The following DHRS7 variants were observed in gnomAD, a reference collection of about 807,000 sequenced individuals.
DHRS7 encodes the protein dehydrogenase/reductase SDR family member 7.
In DHRS7, 34 loss-of-function variants were observed where a neutral mutation model predicts 38.9. The observed-to-expected ratio is 0.87, with a 90% CI of 0.66 to 1.16. DHRS7 has a LOEUF of 1.16. DHRS7 is among the 50% of genes most tolerant of loss of function. The pLI is 0.00. For synonymous variants in DHRS7, 158 were observed against 153.1 expected (o/e 1.03, Z -0.24); for missense variants, 421 against 407.0 (o/e 1.03, Z -0.30).
chr14:60,157,457 C>T (rs1896681334), intron 1 of DHRS7, among the ~76,000 whole-genome samples: 3 of 152,170 alleles, frequency 2.0e-5, no homozygotes, highest in Admixed American at 2.0e-4. Flanking sequence ...CACTTAATAA[C>T]GTATGTCTCC....
intron 4 of DHRS7, among the ~76,000 whole-genome samples, chr14:60,152,301 C>T (rs767818848): frequency 2.1e-4 from 32 of 152,244 alleles, no homozygotes; most frequent in Non-Finnish European, 4.3e-4. Context: ...ATTTATACAT[C>T]GTAAGTTATG....
At chr14:60,165,491 C>G (rs1397551279), upstream of DHRS7, 2 of 1,327,416 alleles carry the variant, frequency 1.5e-6, no homozygotes, top group Non-Finnish European at 1.9e-6. This position sits in a 1 kb window ranked among gnomAD's most constrained non-coding sequence, Gnocchi z 4.6. Context: ...ACTCGCGGCC[C>G]CACTCGCGGT....
Position 60,146,711 on chromosome 14 carries a change from ATTCCACAATGGAATATTT to A in DHRS7, c.973-1716_973-1699del. ...TGTGTATATATATATATGGAATATT[ATTCCACAATGGAATATTT>A]TTCAGCCATAAAACAATGGAACTCC... On this transcript the variant is annotated intron_variant, in intron 6 of 6. Transcript: ENST00000557185. The surrounding 1 kb of genome is among the most constrained non-coding windows in gnomAD (Gnocchi z 4.9). 2 of 152,062 alleles carry A rather than the reference ATTCCACAATGGAATATTT, an allele frequency of 1.3e-5. No individual in the cohort carries two copies. The allele number at this position is 152,062 out of a possible 1,614,324, so 9.4% of individuals were successfully genotyped here.
rs759889970 is a variant in DHRS7 at position 60,149,521 on chromosome 14, A to G, written c.804T>C (p.Arg268=). Residue 268 remains arginine, a synonymous_variant, in exon 6 of 7, where the codon CGT becomes CGC. Coordinates refer to ENST00000557185, the MANE Select transcript of DHRS7 (RefSeq NM_016029.4). ...GDQSHKMTTS[R]CVRLMLISMA... is the part of the protein sequence containing the mutation. ...TGCTGATTAACATCAGCCGCACACA[A>G]CGACTGGTTGTCATCTTGTGGGACT... The G allele has an allele frequency of 5.0e-6, 8 of 1,613,912 alleles. No homozygotes were observed. Among genetic ancestry groups the G allele is most frequent in the Non-Finnish European group, 6.8e-6 (8 of 1,179,948 alleles).
In DHRS7 at chr14:60,153,843, G is replaced by C; in HGVS notation, c.393+116C>G. The stretch of plus-strand genomic sequence containing the variant: ...ATTAAGGGGCCCAACTCATGGGCCC[G>C]ATCTCACTGCATGGACCCCACTTGC... On this transcript the variant is annotated intron_variant, in intron 3 of 6. Transcript: ENST00000557185. This position sits in a 1 kb window ranked among gnomAD's most constrained non-coding sequence, Gnocchi z 4.4. The C allele has an allele frequency of 1.3e-6, 1 of 795,914 alleles. No homozygotes were observed. The highest frequency in any genetic ancestry group is 2.1e-6 in the Non-Finnish European group (1 of 474,638). 49.3% of individuals were successfully genotyped at this position (795,914 alleles called of 1,614,324 possible).
Position 60,144,695 on chromosome 14 carries a change from A to G in DHRS7, c.*271T>C. On this transcript the variant is annotated 3_prime_UTR_variant, in exon 7 of 7. Transcript: ENST00000557185. ...TAGCAGCACAAATGGACTAAGACAA[A>G]TCTGTTAACTTAGATTTTAAGCATA... 3.0e-6 allele frequency: 1 copy of G among 333,378 alleles called. No homozygotes were observed. The highest frequency in any genetic ancestry group is 5.4e-6 in the Non-Finnish European group (1 of 185,516). 20.7% of individuals were successfully genotyped at this position (333,378 alleles called of 1,614,324 possible). A position where few individuals can be genotyped will look rare whatever the true frequency, so the allele number is the denominator to read the frequency against.
At position 60,150,318 on chromosome 14, in the gene DHRS7, CT is replaced by C. The variant is rs558750959; in HGVS notation, c.634-132del. ...TGTAATCATGCAAGCTTATTAGGCA[CT>C]TTTTTTTATTATTATATTTTAAGTT... is the stretch of plus-strand genomic sequence containing the variant. On this transcript the variant is annotated intron_variant, in intron 4 of 6. Transcript: ENST00000557185. The C allele has an allele frequency of 2.5e-3, 1,941 of 787,962 alleles. 2 individuals are homozygous for C. Among genetic ancestry groups the C allele is most frequent in the Non-Finnish European group, 2.6e-3 (1,422 of 547,548 alleles). The allele number at this position is 787,962 out of a possible 1,614,324, so 48.8% of individuals were successfully genotyped here. A position where few individuals can be genotyped will look rare whatever the true frequency, so the allele number is the denominator to read the frequency against.
intron 1 of DHRS7, among the ~76,000 whole-genome samples, chr14:60,164,762 G>C (rs1261531170): frequency 6.6e-6 from 1 of 152,180 alleles, no homozygotes; most frequent in Non-Finnish European, 1.5e-5. Flanking sequence ...CGGGCTTCCG[G>C]TACTTACAAA....
At chr14:60,166,240 T>G, upstream of DHRS7, 1 of 985,486 alleles carries the variant, frequency 1.0e-6, no homozygotes, top group Non-Finnish European at 1.2e-6. Flanking sequence ...CTTTCTTGTT[T>G]TCAAGCATTT....
In DHRS7 at chr14:60,162,169, A is replaced by T. The variant is rs546173273; in HGVS notation, c.133+3008T>A. 1.1e-3 allele frequency among the ~76,000 whole-genome samples: 160 copies of T among 152,286 alleles called. 2 individuals carry two copies. Among genetic ancestry groups the T allele is most frequent in the Non-Finnish European group, 1.8e-3 (122 of 68,010 alleles). On this transcript the variant is annotated intron_variant, in intron 1 of 6. Transcript: ENST00000557185. The surrounding 1 kb of genome is among the most constrained non-coding windows in gnomAD (Gnocchi z 4.5). ...GGTGGAAGGATCACTTGAGGCCAGGAGTTCAAGACCAGCCTGGAACATAGT... is the reference window on the plus strand; with the variant it reads ...GGTGGAAGGATCACTTGAGGCCAGGTGTTCAAGACCAGCCTGGAACATAGT...
Position 60,156,150 on chromosome 14 carries a change from A to T in DHRS7, c.136T>A (p.Trp46Arg). Residue 46 changes from tryptophan to arginine, a missense_variant and splice_region_variant, in exon 2 of 7, where the codon TGG (tryptophan) becomes AGG (arginine). Transcript: ENST00000557185. ...CACACCACCATATCAGTCAGCTCCC[A>T]TTCTATGGAAGGAATGTAAATGGAA... ...WAEWQGRRPE[W>R]ELTDMVVWVT... The T allele has an allele frequency of 6.4e-7, 1 of 1,570,026 alleles. No individual in the cohort carries two copies. The highest frequency in any genetic ancestry group is 8.6e-7 in the Non-Finnish European group (1 of 1,160,458).
At chr14:60,160,076 A>G (rs1032983786) in intron 1 of DHRS7, among the ~76,000 whole-genome samples, 2 of 152,228 alleles carry the variant, frequency 1.3e-5, no homozygotes, top group African/African-American at 4.8e-5. Flanking sequence ...CTGTAATCCC[A>G]GCACTTTGGG....
In DHRS7 at chr14:60,162,193, G is replaced by A. The variant is rs1217940881; in HGVS notation, c.133+2984C>T. On this transcript the variant is annotated intron_variant, in intron 1 of 6. Transcript: ENST00000557185. The surrounding 1 kb of genome is among the most constrained non-coding windows in gnomAD (Gnocchi z 4.5). The stretch of plus-strand genomic sequence containing the variant: ...GAGTTCAAGACCAGCCTGGAACATA[G>A]TGAGAGCCTGTTTCTACAAAAAGTT... Among the ~76,000 whole-genome samples, 1 of 152,128 alleles carries A rather than the reference G, an allele frequency of 6.6e-6. No individual in the cohort carries two copies. The highest frequency in any genetic ancestry group is 1.5e-5 in the Non-Finnish European group (1 of 68,016).
rs780699477 is a variant in DHRS7 at position 60,165,168 on chromosome 14, G to A, written c.133+9C>T. 8.1e-6 allele frequency: 13 copies of A among 1,611,540 alleles called. No homozygotes were observed. The highest frequency in any genetic ancestry group is 3.3e-5 in the Admixed American group (2 of 59,910). On this transcript the variant is annotated intron_variant, in intron 1 of 6. Transcript: ENST00000557185. This position sits in a 1 kb window ranked among gnomAD's most constrained non-coding sequence, Gnocchi z 4.6. Reference sequence around the variant, plus strand: ...CTCCCACTCGGGAGAGGCTTTGGCCGGTCCTCACCTGGGCGTCGTCCCTGC... The same window carrying A: ...CTCCCACTCGGGAGAGGCTTTGGCCAGTCCTCACCTGGGCGTCGTCCCTGC...
intron 1 of DHRS7, among the ~76,000 whole-genome samples, chr14:60,164,508 G>A (rs935311691): frequency 2.0e-5 from 3 of 152,136 alleles, no homozygotes; most frequent in Admixed American, 6.5e-5. Context: ...AATGTTATGT[G>A]TGTAAAGCGC....
rs747502274 is a variant in DHRS7, at chr14:60,149,343, T to C, written c.972+10A>G. Reference sequence around the variant, plus strand: ...TACATACTATTAAGAAACTTAGAAATTGGTCTTACCACACCACTCTTAAAG... The same window carrying C: ...TACATACTATTAAGAAACTTAGAAACTGGTCTTACCACACCACTCTTAAAG... On this transcript the variant is annotated intron_variant, in intron 6 of 6. Coordinates refer to ENST00000557185, the MANE Select transcript of DHRS7 (RefSeq NM_016029.4). 17 of 1,610,940 alleles carry C rather than the reference T, an allele frequency of 1.1e-5. No individual in the cohort carries two copies. The South Asian group carries it at 1.4e-4, about 14-fold the overall frequency.
chr14:60,165,519 C>T, upstream of DHRS7: 1 of 1,284,512 alleles, frequency 7.8e-7, no homozygotes. The surrounding 1 kb of genome is among the most constrained non-coding windows in gnomAD (Gnocchi z 4.6). Context: ...CGGCCCGCGC[C>T]CTCATGCGGC....
At chr14:60,163,453 T>C (rs1896803173) in intron 1 of DHRS7, among the ~76,000 whole-genome samples, 1 of 152,154 alleles carries the variant, frequency 6.6e-6, no homozygotes, top group African/African-American at 2.4e-5. Context: ...CACGCCAGAT[T>C]TTTGCTGAAT....
upstream of DHRS7, chr14:60,165,583 G>C: frequency 8.1e-7 from 1 of 1,235,276 alleles, no homozygotes; most frequent in Non-Finnish European, 1.0e-6. The surrounding 1 kb of genome is among the most constrained non-coding windows in gnomAD (Gnocchi z 4.6). Context: ...GACCAGCCTG[G>C]GCAACATGAG....
Sources: gnomAD v4.1 joint callset for allele counts (sites outside exome capture counted in the v4.1 genomes callset) on GRCh38, gnomAD v4.1.1 for gene constraint, Gnocchi (gnomAD v3.1) non-coding constraint, MANE v1.5 for transcripts, NCBI Gene and HGNC (gene_info 2026-07-23, HGNC 2026-07-21) for gene names.